MACROD2: variants seen among roughly 807,000 people sequenced by gnomAD.
MACROD2 encodes ADP-ribose glycohydrolase MACROD2.
A neutral mutation model predicts 70.4 loss-of-function variants in MACROD2; 36 were observed. The observed-to-expected ratio is 0.51, with a 90% CI of 0.39 to 0.68. MACROD2 has a LOEUF of 0.68. Among genes scored for constraint, MACROD2 ranks in the 30% least tolerant of loss-of-function variants. The pLI, the probability that MACROD2 is intolerant of heterozygous loss-of-function variation, is 0.00. For missense variants in MACROD2, 496 were observed against 538.4 expected (o/e 0.92, Z 0.78); for synonymous variants, 172 against 178.8 (o/e 0.96, Z 0.30).
At chr20:15,760,528 C>CA (rs2051420341) in intron 8 of MACROD2, among the ~76,000 whole-genome samples, 1 of 152,100 alleles carries the variant, frequency 6.6e-6, no homozygotes, top group South Asian at 2.1e-4. Context: ...ACAGGAAAAC[C>CA]AGGCACTGCA....
chr20:15,351,485 A>G (rs546556305), intron 6 of MACROD2, among the ~76,000 whole-genome samples: 1 of 152,302 alleles, frequency 6.6e-6, no homozygotes, highest in South Asian at 2.1e-4. Context: ...CCATGAGAGT[A>G]ACACAACCTG....
At chr20:16,027,063 A>C (rs920574481) in intron 15 of MACROD2, among the ~76,000 whole-genome samples, 1 of 152,218 alleles carries the variant, frequency 6.6e-6, no homozygotes, top group Non-Finnish European at 1.5e-5. Context: ...TTGTGAAAAT[A>C]AGCTGCCTAG....
intron 17 of MACROD2, among the ~76,000 whole-genome samples, chr20:16,046,225 C>T (rs545817052): frequency 6.6e-6 from 1 of 152,134 alleles, no homozygotes; most frequent in Admixed American, 6.5e-5. Context: ...CCTGTATGGT[C>T]TTGAATATCC....
intron 5 of MACROD2, among the ~76,000 whole-genome samples, chr20:15,153,092 G>A (rs1038981944): frequency 1.3e-5 from 2 of 152,080 alleles, no homozygotes; most frequent in Non-Finnish European, 2.9e-5. Context: ...GCAAAGAGCA[G>A]GAGGACAGGG....
In MACROD2 at chr20:14,491,000, A is replaced by G. The variant is rs181349790; in HGVS notation, c.272-2479A>G. On this transcript the variant is annotated intron_variant, in intron 3 of 17. Coordinates refer to ENST00000684519, the MANE Select transcript of MACROD2 (RefSeq NM_001351661.2). ...CAGACCTTGCCTTTAAGAAGCTTCC[A>G]TCTAATTAGGATATATCTCAATCTA... is the stretch of plus-strand genomic sequence containing the variant. Among the ~76,000 whole-genome samples the G allele has an allele frequency of 4.2e-4, 64 of 152,286 alleles. 1 individual carries two copies. The highest frequency in any genetic ancestry group is 1.5e-3 in the African/African-American group (63 of 41,578).
rs115086094 is a variant in MACROD2 at position 14,326,403 on chromosome 20, A to G, written c.272-167076A>G. On this transcript the variant is annotated intron_variant, in intron 3 of 17. Transcript: ENST00000684519. This position sits in a 1 kb window ranked among gnomAD's most constrained non-coding sequence, Gnocchi z 5.5. The stretch of plus-strand genomic sequence containing the variant: ...CAGGATACACTGTGTTGGGTATTGC[A>G]GTGGTTATCTGAATGGTGCTTACAA... 1.3e-3 allele frequency: 2,022 copies of G among 1,613,908 alleles called. 17 individuals carry two copies. The African/African-American group carries it at 0.023, about 18-fold the overall frequency.
At chr20:15,614,751 C>A (rs1479645126) in intron 8 of MACROD2, among the ~76,000 whole-genome samples, 3 of 152,024 alleles carry the variant, frequency 2.0e-5, no homozygotes, top group African/African-American at 7.2e-5. Context: ...CTTAAAGAAC[C>A]AGGACTCAGA....
At chr20:14,420,123 GC>G (rs1160669791) in intron 3 of MACROD2, among the ~76,000 whole-genome samples, 1 of 149,950 alleles carries the variant, frequency 6.7e-6, no homozygotes, top group Non-Finnish European at 1.5e-5. Flanking sequence ...TTACCATAGG[GC>G]CCATTTACCT....
At chr20:15,367,110 C>T (rs2045421716) in intron 6 of MACROD2, among the ~76,000 whole-genome samples, 1 of 151,426 alleles carries the variant, frequency 6.6e-6, no homozygotes, top group Non-Finnish European at 1.5e-5. Flanking sequence ...TCACTGTAAC[C>T]TCCGCCTCTT....
chr20:15,335,878 G>A (rs989367084), intron 6 of MACROD2, among the ~76,000 whole-genome samples: 12 of 151,634 alleles, frequency 7.9e-5, no homozygotes, highest in African/African-American at 2.7e-4. Flanking sequence ...CTTCAATACC[G>A]TTCCCTTCTC....
At chr20:14,715,368 A>G (rs1317550637) in intron 5 of MACROD2, among the ~76,000 whole-genome samples, 2 of 152,202 alleles carry the variant, frequency 1.3e-5, no homozygotes, top group Non-Finnish European at 2.9e-5. Context: ...GCCAAACCAT[A>G]TCAGATGTTA....
At chr20:15,059,210 C>A (rs1014105461) in intron 5 of MACROD2, among the ~76,000 whole-genome samples, 5 of 152,012 alleles carry the variant, frequency 3.3e-5, no homozygotes, top group African/African-American at 1.2e-4. Flanking sequence ...ATGGTGAAAA[C>A]CATGTCTCTA....
rs564939035 is a variant in MACROD2, at chr20:15,765,026, C to T, written c.646-97719C>T. Among the ~76,000 whole-genome samples, 12 of 152,164 alleles carry T rather than the reference C, an allele frequency of 7.9e-5. No individual in the cohort carries two copies. The South Asian group carries it at 8.3e-4, about 11-fold the overall frequency. ...TGCTTGGAAAACCACACACAACCCC[C>T]GGTCTTTGCTGCCTTGCTCTCTCAC... On this transcript the variant is annotated intron_variant, in intron 8 of 17. Transcript: ENST00000684519.
At chr20:14,965,377 GT>G (rs1406681920) in intron 5 of MACROD2, among the ~76,000 whole-genome samples, 2 of 140,806 alleles carry the variant, frequency 1.4e-5, no homozygotes, top group African/African-American at 2.6e-5. Context: ...CTTTTTTGCT[GT>G]TTCTTAAAAT....
intron 8 of MACROD2, among the ~76,000 whole-genome samples, chr20:15,785,314 C>G (rs1006285613): frequency 5.3e-5 from 8 of 152,152 alleles, no homozygotes; most frequent in Non-Finnish European, 7.3e-5. Context: ...CTGAAGCTCT[C>G]CCTCCTGTCA....
At chr20:15,959,930 A>C (rs901202342) in intron 12 of MACROD2, among the ~76,000 whole-genome samples, 1 of 152,216 alleles carries the variant, frequency 6.6e-6, no homozygotes, top group Non-Finnish European at 1.5e-5. Context: ...AAGAACCACA[A>C]AGTGAGTTAG....
At chr20:14,880,978 A>G (rs1002817825) in intron 5 of MACROD2, among the ~76,000 whole-genome samples, 1 of 151,572 alleles carries the variant, frequency 6.6e-6, no homozygotes, top group African/African-American at 2.4e-5. Flanking sequence ...GAGCTGCGTG[A>G]CTCCTCAAGA....
intron 3 of MACROD2, among the ~76,000 whole-genome samples, chr20:14,268,368 G>T (rs922268426): frequency 3.9e-5 from 6 of 151,938 alleles, no homozygotes. Flanking sequence ...CAAATATCAC[G>T]CTTTGCCTTT....
chr20:15,262,967 A>G (rs2077262086), intron 6 of MACROD2, among the ~76,000 whole-genome samples: 1 of 152,106 alleles, frequency 6.6e-6, no homozygotes, highest in African/African-American at 2.4e-5. Context: ...TAGCTTGCAA[A>G]TATTCTCTCC....
Sources: gnomAD v4.1 joint callset for allele counts (sites outside exome capture counted in the v4.1 genomes callset) on GRCh38, gnomAD v4.1.1 for gene constraint, Gnocchi (gnomAD v3.1) non-coding constraint, MANE v1.5 for transcripts, NCBI Gene and HGNC (gene_info 2026-07-23, HGNC 2026-07-21) for gene names.